MDH1B: variants seen among roughly 807,000 people sequenced by gnomAD.
MDH1B encodes the protein putative malate dehydrogenase 1B.
In MDH1B, 60 loss-of-function variants were observed where a neutral mutation model predicts 61.4. That is an observed-to-expected ratio of 0.98 (90% confidence interval 0.79 to 1.21). The LOEUF (loss-of-function observed/expected upper bound fraction) is 1.21. Among genes scored for constraint, MDH1B ranks in the 50% most tolerant of loss-of-function variants. The probability of loss-of-function intolerance (pLI) is 0.00; values close to 1 mark genes in which losing one functional copy is unlikely to be tolerated. For missense variants in MDH1B, 587 were observed against 632.1 expected, an observed-to-expected ratio of 0.93 and a Z score of 0.76; for synonymous variants, 236 against 218.7, an observed-to-expected ratio of 1.08 and a Z score of -0.70.
chr2:206,752,903 C>T (rs1688534271), intron 5 of MDH1B, among the ~76,000 whole-genome samples: 1 of 151,814 alleles, frequency 6.6e-6, no homozygotes, highest in Admixed American at 6.6e-5. Flanking sequence ...CTTAGGTCCA[C>T]CTATAGGCAT....
At chr2:206,740,426 T>C (rs900021251) in intron 10 of MDH1B, among the ~76,000 whole-genome samples, 1 of 152,222 alleles carries the variant, frequency 6.6e-6, no homozygotes, top group Non-Finnish European at 1.5e-5. Context: ...ATCCTCATTT[T>C]CTTTATGTTG....
At chr2:206,746,056 C>T (rs1688091793) in intron 8 of MDH1B, among the ~76,000 whole-genome samples, 1 of 152,072 alleles carries the variant, frequency 6.6e-6, no homozygotes, top group African/African-American at 2.4e-5. Flanking sequence ...AGAAAAACAC[C>T]TTGATTCTTC....
chr2:206,741,055 A>G lies in MDH1B; in HGVS notation c.1458T>C (p.Asp486=), dbSNP rs1320269084. ...TTGTTTATAACCCCACTGACTTACC[A>G]TCTGACATAGCTAGATTTTTTTCTT... ...PDEEKNLAMS[D]AAEFPNQIPQ... Residue 486 remains aspartate, a splice_region_variant and synonymous_variant, in exon 10 of 12, where the codon GAT becomes GAC. Transcript: ENST00000374412. 1.2e-5 allele frequency: 20 copies of G among 1,613,202 alleles called. 1 individual carries two copies. Among genetic ancestry groups the G allele is most frequent in the South Asian group, 7.7e-5 (7 of 91,066 alleles).
intron 5 of MDH1B, among the ~76,000 whole-genome samples, chr2:206,751,960 T>C (rs1262358792): frequency 1.3e-5 from 2 of 152,240 alleles, no homozygotes; most frequent in Non-Finnish European, 2.9e-5. Flanking sequence ...CTGTATAAGA[T>C]TGCTTTTGTC....
At chr2:206,739,684 A>G (rs373196133) in intron 10 of MDH1B, 23 bp from the exon 11 acceptor site, 43 of 1,608,320 alleles carry the variant, frequency 2.7e-5, no homozygotes, top group Non-Finnish European at 3.6e-5. Flanking sequence ...TTAAAAGAAT[A>G]GTTTTTAGTA....
At chr2:206,748,647 C>G (rs1012298007) in intron 7 of MDH1B, among the ~76,000 whole-genome samples, 3 of 152,182 alleles carry the variant, frequency 2.0e-5, no homozygotes, top group African/African-American at 7.2e-5. Context: ...ACTGTAGTGT[C>G]ACCTTCTTTA....
intron 11 of MDH1B, 120 bp from the exon 12 acceptor site, chr2:206,738,631 G>C (rs1462980018): frequency 1.6e-6 from 1 of 623,776 alleles, no homozygotes; most frequent in Non-Finnish European, 2.8e-6. Context: ...CTGAGAAAGT[G>C]CATGTGTGAG....
chr2:206,752,845 C>T (rs1018798261), intron 5 of MDH1B, among the ~76,000 whole-genome samples: 2 of 150,118 alleles, frequency 1.3e-5, no homozygotes, highest in African/African-American at 4.9e-5. Flanking sequence ...AATAACTACT[C>T]CTTCTCCAGT....
At chr2:206,758,973 T>C (rs970997110) in intron 2 of MDH1B, among the ~76,000 whole-genome samples, 3 of 151,768 alleles carry the variant, frequency 2.0e-5, no homozygotes, top group African/African-American at 7.3e-5. Context: ...GTTTTTTTTT[T>C]TTTTCTTTAT....
At chr2:206,750,776 G>A (rs917467549) in intron 6 of MDH1B, among the ~76,000 whole-genome samples, 158 bp downstream of exon 6, 4 of 152,088 alleles carry the variant, frequency 2.6e-5, no homozygotes, top group African/African-American at 7.2e-5. Flanking sequence ...GATATTCTGT[G>A]GAATTTTCTG....
chr2:206,760,312 G>T (rs930294087), intron 2 of MDH1B, among the ~76,000 whole-genome samples: 2 of 152,168 alleles, frequency 1.3e-5, no homozygotes, highest in African/African-American at 4.8e-5. Context: ...GCTGATATCC[G>T]ATGGCTGGTT....
intron 9 of MDH1B, among the ~76,000 whole-genome samples, chr2:206,744,709 G>C (rs1460301687): frequency 1.3e-5 from 2 of 151,750 alleles, no homozygotes; most frequent in Admixed American, 1.3e-4. Flanking sequence ...GGTGGATCAC[G>C]AGGTCAGCAG....
At chr2:206,738,634 T>C (rs534310474) in intron 11 of MDH1B, 123 bp from the exon 12 acceptor site, 20 of 586,384 alleles carry the variant, frequency 3.4e-5, no homozygotes, top group East Asian at 9.0e-5. Context: ...AGAAAGTGCA[T>C]GTGTGAGAGT....
At chr2:206,746,560 A>G (rs145681268) in intron 7 of MDH1B, 134 bp from the exon 8 acceptor site, 93 of 1,010,722 alleles carry the variant, frequency 9.2e-5, no homozygotes, top group Non-Finnish European at 1.2e-4. Context: ...ATTTCTCGGA[A>G]TTCTTCTCCA....
At chr2:206,744,677 A>C (rs1250824651) in intron 9 of MDH1B, among the ~76,000 whole-genome samples, 1 of 152,120 alleles carries the variant, frequency 6.6e-6, no homozygotes, top group Non-Finnish European at 1.5e-5. Context: ...CTGTAATCTC[A>C]TCACTTTGGG....
chr2:206,760,920 T>C lies in MDH1B; in HGVS notation c.116A>G (p.Gln39Arg), dbSNP rs1297653530. The C allele has an allele frequency of 3.7e-6, 6 of 1,608,256 alleles. No homozygotes were observed. The highest frequency in any genetic ancestry group is 1.3e-5 in the African/African-American group (1 of 74,792). ...LPDFRIHKIT[Q>R]RPEVWEDWLK... is the part of the protein sequence containing the mutation. ...TCTTACCTCCCAAACCTCAGGACGT[T>C]GTGTGATTTTATGTATCCGAAAATC... The change falls in exon 2 of 12, where the codon CAA becomes CGA. Residue 39 changes from glutamine to arginine, a missense_variant. Transcript: ENST00000374412.
chr2:206,740,904 C>T, intron 10 of MDH1B, 150 bp downstream of exon 10: 2 of 1,076,954 alleles, frequency 1.9e-6, no homozygotes, highest in South Asian at 1.7e-5. Flanking sequence ...TTTTTATGCC[C>T]ATTTCAAAGT....
intron 6 of MDH1B, 114 bp downstream of exon 6, chr2:206,750,820 G>T: frequency 1.1e-6 from 1 of 891,316 alleles, no homozygotes; most frequent in Non-Finnish European, 1.6e-6. Flanking sequence ...AAATATGAGT[G>T]TGAACAATGC....
chr2:206,741,062 A>T lies in MDH1B; in HGVS notation c.1451T>A (p.Met484Lys), dbSNP rs180714348. The T allele has an allele frequency of 1.5e-4, 248 of 1,613,184 alleles. 4 individuals carry two copies. In the East Asian group the frequency reaches 2.2e-3, roughly 15 times the overall value. The change falls in exon 10 of 12, where the codon ATG becomes AAG. Residue 484 changes from methionine to lysine, a missense_variant. By Grantham distance (95) the Met-to-Lys change is moderately conservative. Coordinates refer to ENST00000374412, the MANE Select transcript of MDH1B (RefSeq NM_001039845.3). ...TAACCCCACTGACTTACCATCTGAC[A>T]TAGCTAGATTTTTTTCTTCATCAGG... ...LVPDEEKNLA[M>K]SDAAEFPNQI...
Sources: gnomAD v4.1 joint callset for allele counts (sites outside exome capture counted in the v4.1 genomes callset) on GRCh38, gnomAD v4.1.1 for gene constraint, MANE v1.5 for transcripts, NCBI Gene and HGNC (gene_info 2026-07-23, HGNC 2026-07-21) for gene names.